Variants in USHBP1 observed in about 807,000 individuals in gnomAD.
USHBP1 encodes harmonin-binding protein USHBP1.
In USHBP1, 67 loss-of-function variants were observed where a neutral mutation model predicts 76.2. The ratio of observed to expected loss-of-function variants is 0.88; its 90% CI spans 0.72 to 1.08. USHBP1 has a LOEUF of 1.08. Ranked by LOEUF, USHBP1 falls within the 50% of genes least tolerant of loss-of-function variation. The pLI, the probability that USHBP1 is intolerant of heterozygous loss-of-function variation, is 0.00. For missense variants in USHBP1, 931 were observed against 915.0 expected (o/e 1.02, Z -0.23); for synonymous variants, 322 against 362.2 (o/e 0.89, Z 1.26).
At position 17,259,366 on chromosome 19, in the gene USHBP1, G is replaced by A. The variant is rs2073659984; in HGVS notation, c.969C>T (p.Gly323=). The A allele has an allele frequency of 9.3e-6, 15 of 1,614,142 alleles. No individual in the cohort carries two copies. The highest frequency in any genetic ancestry group is 1.3e-5 in the Non-Finnish European group (15 of 1,180,030). Residue 323 remains glycine (G), a synonymous_variant, in exon 7 of 13, where the codon GGC becomes GGT. Coordinates refer to ENST00000252597, the MANE Select transcript of USHBP1 (RefSeq NM_031941.4). The part of the protein sequence containing the change: ...LLSAVLQGYK[G]RCEGLSMQLG... Reference sequence around the variant, plus strand: ...GCTGCATGCTGAGGCCTTCACAGCGGCCCTTGTATCCCTGTAGCACAGCTG... The same window carrying A: ...GCTGCATGCTGAGGCCTTCACAGCGACCCTTGTATCCCTGTAGCACAGCTG...
chr19:17,259,926 C>CA lies in USHBP1; in HGVS notation c.738dup (p.Glu247Ter). 1 of 1,614,046 alleles carries CA rather than the reference C, an allele frequency of 6.2e-7. No individual in the cohort carries two copies. Among genetic ancestry groups the CA allele is most frequent in the East Asian group, 2.2e-5 (1 of 44,888 alleles). ...GTCTCCCAGGGTTCCCTGTCTGCCT[C>CA]AGAGCTGCTAGAACCACTGCCTGAG... is the stretch of plus-strand genomic sequence containing the variant. On this transcript the variant is annotated frameshift_variant, in exon 5 of 13. Transcript: ENST00000252597. LOFTEE classifies it high-confidence loss of function.
At chr19:17,251,847 C>A in intron 11 of USHBP1, 64 bp downstream of exon 11, 1 of 1,516,342 alleles carries the variant, frequency 6.6e-7, no homozygotes. Context: ...CAGACGACAC[C>A]CCCGGGGGCT....
At chr19:17,253,098 A>G (rs963453977) in intron 10 of USHBP1, among the ~76,000 whole-genome samples, 7 of 151,160 alleles carry the variant, frequency 4.6e-5, no homozygotes. Context: ...CCTCCCGAGT[A>G]GCTGGGACTA....
At position 17,250,277 on chromosome 19, in the gene USHBP1, C is replaced by T; in HGVS notation, c.2060G>A (p.Gly687Glu). ...AGGCGGGAGGGGAGGCCTGGGCTTC[C>T]CCAGGGCCCTTGCAGTGGCTTCGAG... ...AVLEATARAL[G>E]KPRPPLPPPQ... Residue 687 changes from glycine (G) to glutamate (E), a missense_variant, in exon 13 of 13, where the codon GGG (glycine) becomes GAG (glutamate). Physicochemically the swap from Gly to Glu is moderately conservative, Grantham distance 98. Coordinates refer to ENST00000252597, the MANE Select transcript of USHBP1 (RefSeq NM_031941.4). The T allele has an allele frequency of 6.2e-7, 1 of 1,613,584 alleles. No individual in the cohort carries two copies. Among genetic ancestry groups the T allele is most frequent in the South Asian group, 1.1e-5 (1 of 91,058 alleles).
intron 10 of USHBP1, 72 bp downstream of exon 10, chr19:17,255,313 G>A: frequency 1.4e-6 from 2 of 1,429,160 alleles, no homozygotes; most frequent in Non-Finnish European, 1.9e-6. Flanking sequence ...AAAAAAAAAA[G>A]GCTGTGATTG....
At chr19:17,252,096 C>A in intron 10 of USHBP1, 79 bp from the exon 11 acceptor site, 1 of 1,338,568 alleles carries the variant, frequency 7.5e-7, no homozygotes. Flanking sequence ...ATTGGAGCTG[C>A]CCAGACAGTG....
Position 17,249,891 on chromosome 19 carries a change from A to G in USHBP1, c.*334T>C. The stretch of plus-strand genomic sequence containing the variant: ...AATCCCTCCCTGGGCTTCGGGAGAC[A>G]GGCCAGTTGGAACTTCAGCTGTGGC... On this transcript the variant is annotated 3_prime_UTR_variant, in exon 13 of 13. Coordinates refer to ENST00000252597, the MANE Select transcript of USHBP1 (RefSeq NM_031941.4). 3.3e-6 allele frequency: 1 copy of G among 307,672 alleles called. No homozygotes were observed. Among genetic ancestry groups the G allele is most frequent in the Non-Finnish European group, 6.1e-6 (1 of 163,864 alleles). The allele number at this position is 307,672 out of a possible 1,614,324, so 19.1% of individuals were successfully genotyped here.
At chr19:17,261,640 A>ATTT (rs34383325) in intron 4 of USHBP1, among the ~76,000 whole-genome samples, 1 of 86,416 alleles carries the variant, frequency 1.2e-5, no homozygotes, top group Non-Finnish European at 2.4e-5. Context: ...CATTATTATT[A>ATTT]TTTTTTTTTT....
At chr19:17,250,543 T>G (rs1364782556) in intron 12 of USHBP1, 129 bp from the exon 13 acceptor site, 4 of 1,073,212 alleles carry the variant, frequency 3.7e-6, no homozygotes, top group Non-Finnish European at 5.3e-6. Flanking sequence ...TAGCTGGTCT[T>G]TTGTTGTTGT....
chr19:17,256,809 C>T (rs1240601022), intron 8 of USHBP1, 89 bp from the exon 9 acceptor site: 3 of 1,565,106 alleles, frequency 1.9e-6, no homozygotes, highest in Non-Finnish European at 2.6e-6. Flanking sequence ...CCATCACCTT[C>T]CATCTCACTG....
rs147315789 is a variant in USHBP1, at chr19:17,262,939, G to A, written c.255C>T (p.Pro85=). Residue 85 remains proline, a synonymous_variant, in exon 4 of 13, where the codon CCC becomes CCT. Transcript: ENST00000252597. ...CCACTGCAGGTTTGTGGGGCACTTC[G>A]GGGGCTGAGGCCAGTTCCCTGCCAG... The part of the protein sequence containing the change: ...GGSGRELASA[P]EVPHKPAVEA... The A allele has an allele frequency of 1.4e-5, 21 of 1,544,448 alleles. No individual in the cohort carries two copies. In the African/African-American group the frequency reaches 1.9e-4, roughly 14 times the overall value.
chr19:17,264,104 G>GCC lies in USHBP1; in HGVS notation c.100_101insGG (p.Ala34GlyfsTer15). ...AAAGCTGGGCTTGGAGCTCCCACTG[G>GCC]CTGCCTCGACCTCCTCTGAACTCTC... On this transcript the variant is annotated frameshift_variant, in exon 3 of 13. Coordinates refer to ENST00000252597, the MANE Select transcript of USHBP1 (RefSeq NM_031941.4). LOFTEE classifies it high-confidence loss of function. 15 of 1,614,074 alleles carry GCC rather than the reference G, an allele frequency of 9.3e-6. No individual in the cohort carries two copies. The highest frequency in any genetic ancestry group is 1.3e-5 in the Non-Finnish European group (15 of 1,179,968).
rs778686171 is a variant in USHBP1, at chr19:17,259,277, G to A, written c.1046+12C>T. 6.3e-7 allele frequency: 1 copy of A among 1,587,532 alleles called. No individual in the cohort carries two copies. Among genetic ancestry groups the A allele is most frequent in the South Asian group, 1.1e-5 (1 of 89,112 alleles). On this transcript the variant is annotated intron_variant, in intron 7 of 12. Coordinates refer to ENST00000252597, the MANE Select transcript of USHBP1 (RefSeq NM_031941.4). ...TCCCCAGCTGGTGACATCACTGGCA[G>A]GGTGCACTGACCTGTACTGCAAGGC...
chr19:17,250,053 T>C lies in USHBP1; in HGVS notation c.*172A>G. ...CAGGCCAAAGACACCTGAGTCTTTCTTCATTGCCTGGCCACACCCCATCAG... is the reference window on the plus strand; with the variant it reads ...CAGGCCAAAGACACCTGAGTCTTTCCTCATTGCCTGGCCACACCCCATCAG... On this transcript the variant is annotated 3_prime_UTR_variant, in exon 13 of 13. Coordinates refer to ENST00000252597, the MANE Select transcript of USHBP1 (RefSeq NM_031941.4). 1 of 703,750 alleles carries C rather than the reference T, an allele frequency of 1.4e-6. No homozygotes were observed. The highest frequency in any genetic ancestry group is 2.3e-6 in the Non-Finnish European group (1 of 437,746). The allele number at this position is 703,750 out of a possible 1,614,324, so 43.6% of individuals were successfully genotyped here.
Position 17,252,008 on chromosome 19 carries a change from C to T in USHBP1, c.1702G>A (p.Ala568Thr). 8.4e-6 allele frequency: 13 copies of T among 1,548,600 alleles called. No homozygotes were observed. Among genetic ancestry groups the T allele is most frequent in the Non-Finnish European group, 1.1e-5 (13 of 1,147,150 alleles). The change falls in exon 11 of 13, where the codon GCT (alanine) becomes ACT (threonine). Residue 568 changes from alanine (A) to threonine (T), a missense_variant. Ala to Thr is a moderately conservative substitution (Grantham distance 58). Coordinates refer to ENST00000252597, the MANE Select transcript of USHBP1 (RefSeq NM_031941.4). ...ATGCCACTGGTGCCACCAGGGACAG[C>T]AGGAAGGCCCTAAGGGAGGCAGAAG... ...DEEEWYQGLP[A>T]VPGGTSGIDG...
At chr19:17,263,026 T>A in intron 3 of USHBP1, 36 bp from the exon 4 acceptor site, 1 of 1,496,768 alleles carries the variant, frequency 6.7e-7, no homozygotes, top group Non-Finnish European at 8.9e-7. Context: ...AGTCACTCCA[T>A]GCTGGGCAAG....
chr19:17,256,781 T>C (rs2073625659), intron 8 of USHBP1, 61 bp from the exon 9 acceptor site: 1 of 1,606,556 alleles, frequency 6.2e-7, no homozygotes, highest in Admixed American at 1.7e-5. Flanking sequence ...GTTAAGTTCA[T>C]GCCAATCCTG....
intron 10 of USHBP1, 122 bp from the exon 11 acceptor site, chr19:17,252,139 G>A (rs532738348): frequency 2.4e-6 from 2 of 838,632 alleles, no homozygotes; most frequent in South Asian, 3.0e-5. Context: ...CCCACATCTG[G>A]TTCGATATAC....
chr19:17,259,055 C>T (rs1471873332), intron 7 of USHBP1, among the ~76,000 whole-genome samples: 1 of 152,070 alleles, frequency 6.6e-6, no homozygotes, highest in Non-Finnish European at 1.5e-5. Context: ...ATCCCAGCTA[C>T]TCAGGAGGCT....
Sources: allele counts gnomAD v4.1 joint callset (sites outside exome capture counted in the v4.1 genomes callset), GRCh38; gene constraint gnomAD v4.1.1; transcripts MANE v1.5; gene names NCBI Gene and HGNC (gene_info 2026-07-23, HGNC 2026-07-21).